Variants in MAGI2 observed in about 807,000 individuals in gnomAD.
The protein encoded by MAGI2 is membrane-associated guanylate kinase, WW and PDZ domain-containing protein 2.
Under a neutral mutation model 133.3 loss-of-function variants are expected in MAGI2, and 35 were observed. The ratio of observed to expected loss-of-function variants is 0.26; its 90% CI spans 0.20 to 0.35. The LOEUF is 0.35. MAGI2 is among the 10% of genes least tolerant of loss of function. The pLI is 1.00. For synonymous variants in MAGI2, 729 were observed against 710.6 expected (o/e 1.03, Z -0.41); for missense variants, 1,636 against 1,863.4 (o/e 0.88, Z 2.25).
At chr7:78,804,457 A>T (rs922125746) in intron 2 of MAGI2, among the ~76,000 whole-genome samples, 4 of 151,972 alleles carry the variant, frequency 2.6e-5, no homozygotes, top group Non-Finnish European at 4.4e-5. Flanking sequence ...TAAAAAAAAA[A>T]AAAACTTTGG....
chr7:79,108,033 T>G (rs1051734362), intron 1 of MAGI2, among the ~76,000 whole-genome samples: 1 of 152,214 alleles, frequency 6.6e-6, no homozygotes, highest in Non-Finnish European at 1.5e-5. Flanking sequence ...GTAAAATACC[T>G]GATATGACTA....
At chr7:78,430,607 C>T (rs574812596) in intron 6 of MAGI2, among the ~76,000 whole-genome samples, 1 of 151,926 alleles carries the variant, frequency 6.6e-6, no homozygotes, top group African/African-American at 2.4e-5. Flanking sequence ...TATCCAACAC[C>T]TTTTAAACAG....
intron 16 of MAGI2, among the ~76,000 whole-genome samples, chr7:78,155,995 A>C (rs577930643): frequency 1.3e-5 from 2 of 152,286 alleles, no homozygotes; most frequent in East Asian, 3.9e-4. Flanking sequence ...AGGGAGGGAA[A>C]GTTTACATTT....
At chr7:79,128,233 T>G (rs544032108) in intron 1 of MAGI2, among the ~76,000 whole-genome samples, 4 of 152,158 alleles carry the variant, frequency 2.6e-5, no homozygotes, top group Non-Finnish European at 4.4e-5. Flanking sequence ...TTATATGGTT[T>G]TCAGCATATT....
rs993279379 is a variant in MAGI2, at chr7:79,265,690, T to G, written c.301+187330A>C. Among the ~76,000 whole-genome samples, 7 of 152,270 alleles carry G rather than the reference T, an allele frequency of 4.6e-5. No individual in the cohort carries two copies. In the South Asian group the frequency reaches 1.2e-3, roughly 27 times the overall value. On this transcript the variant is annotated intron_variant, in intron 1 of 21. Transcript: ENST00000354212. ...CTACAAGTAAGTTTTGAGTTAGATT[T>G]TTTTAAAATTAAAGAAGTTCTCATG...
chr7:78,212,372 C>G (rs551513902), intron 10 of MAGI2, among the ~76,000 whole-genome samples: 1 of 152,166 alleles, frequency 6.6e-6, no homozygotes, highest in Admixed American at 6.5e-5. Context: ...ACCTACTACA[C>G]GAGTCCTTTC....
chr7:78,018,963 A>G lies in MAGI2; in HGVS notation c.*352T>C, dbSNP rs1180462808. The G allele has an allele frequency of 7.6e-6, 3 of 396,704 alleles. No individual in the cohort carries two copies. Among genetic ancestry groups the G allele is most frequent in the African/African-American group, 4.1e-5 (2 of 48,502 alleles). 24.6% of individuals were successfully genotyped at this position (396,704 alleles called of 1,614,324 possible). A position where few individuals can be genotyped will look rare whatever the true frequency, so the allele number is the denominator to read the frequency against. On this transcript the variant is annotated 3_prime_UTR_variant, in exon 22 of 22. Transcript: ENST00000354212. Reference sequence around the variant, plus strand: ...TAACTTTGTCCTGTTTCTTGATATAAAGTTTGGATGACATCCAAGTCCTTC... The same window carrying G: ...TAACTTTGTCCTGTTTCTTGATATAGAGTTTGGATGACATCCAAGTCCTTC...
At chr7:79,377,570 C>T (rs1843463172) in intron 1 of MAGI2, among the ~76,000 whole-genome samples, 1 of 151,684 alleles carries the variant, frequency 6.6e-6, no homozygotes, top group African/African-American at 2.4e-5. Context: ...GAAAAGAATG[C>T]CAAAACAGCA....
chr7:78,533,541 C>T (rs1034296511), intron 3 of MAGI2, among the ~76,000 whole-genome samples: 2 of 152,144 alleles, frequency 1.3e-5, no homozygotes, highest in Non-Finnish European at 2.9e-5. Context: ...TCTGTGATGA[C>T]CCAGTATCTG....
At chr7:78,842,007 G>A (rs115029518) in intron 2 of MAGI2, among the ~76,000 whole-genome samples, 344 of 151,926 alleles carry the variant, frequency 2.3e-3, no homozygotes, top group African/African-American at 8.0e-3. Flanking sequence ...ATGAGCATAC[G>A]GCATATCATA....
intron 2 of MAGI2, among the ~76,000 whole-genome samples, chr7:78,773,858 T>C (rs542430489): frequency 6.8e-4 from 103 of 152,342 alleles, no homozygotes; most frequent in African/African-American, 2.4e-3. Flanking sequence ...TAAAGTTCTT[T>C]GGCTAGACAA....
intron 1 of MAGI2, among the ~76,000 whole-genome samples, chr7:79,245,534 A>G (rs1394647068): frequency 6.6e-6 from 1 of 152,270 alleles, no homozygotes; most frequent in East Asian, 1.9e-4. Flanking sequence ...CCATGAGGGG[A>G]GACCCCTCTG....
At chr7:79,315,481 G>T (rs959960437) in intron 1 of MAGI2, among the ~76,000 whole-genome samples, 1 of 151,236 alleles carries the variant, frequency 6.6e-6, no homozygotes, top group Non-Finnish European at 1.5e-5. Flanking sequence ...AGCCTAATTC[G>T]TTTTTTTTAA....
chr7:79,162,220 T>C (rs2090334786), intron 1 of MAGI2, among the ~76,000 whole-genome samples: 1 of 152,074 alleles, frequency 6.6e-6, no homozygotes, highest in Admixed American at 6.6e-5. Context: ...TATTTTTACT[T>C]GGTGGCCTAA....
Position 78,887,437 on chromosome 7 carries a change from C to T in MAGI2, c.418+119653G>A, listed in dbSNP as rs151018635. On this transcript the variant is annotated intron_variant, in intron 2 of 21. Transcript: ENST00000354212. The stretch of plus-strand genomic sequence containing the variant: ...TCTGGGAGCAAGCCGCAGTAATCAG[C>T]GTTTTAACAAGTCCTCCTGATGAAT... 7.1e-4 allele frequency among the ~76,000 whole-genome samples: 108 copies of T among 152,326 alleles called. 1 individual carries two copies. The East Asian group carries it at 0.018, about 25-fold the overall frequency.
intron 2 of MAGI2, among the ~76,000 whole-genome samples, chr7:78,969,947 G>A (rs1400582782): frequency 3.3e-5 from 5 of 151,956 alleles, no homozygotes; most frequent in East Asian, 3.9e-4. Flanking sequence ...GGAGACTGAG[G>A]CATGGAGATA....
At chr7:79,357,471 AG>A (rs770157336) in intron 1 of MAGI2, among the ~76,000 whole-genome samples, 31 of 152,250 alleles carry the variant, frequency 2.0e-4, no homozygotes, top group Admixed American at 7.2e-4. Context: ...AGCAAACAAA[AG>A]TAAGTACCAT....
In MAGI2 at chr7:78,939,119, A is replaced by G. The variant is rs911690315; in HGVS notation, c.418+67971T>C. Among the ~76,000 whole-genome samples the G allele has an allele frequency of 2.6e-5, 4 of 152,026 alleles. No individual in the cohort carries two copies. The South Asian group carries it at 8.3e-4, about 32-fold the overall frequency. The stretch of plus-strand genomic sequence containing the variant: ...AGCAATTCTCCTGCCTTGGCCTCCC[A>G]AGTAGCTGGAACCACAGGCACCTGC... On this transcript the variant is annotated intron_variant, in intron 2 of 21. Coordinates refer to ENST00000354212, the MANE Select transcript of MAGI2 (RefSeq NM_012301.4).
intron 3 of MAGI2, among the ~76,000 whole-genome samples, chr7:78,546,673 C>T (rs868505802): frequency 1.9e-5 from 1 of 54,044 alleles, no homozygotes; most frequent in Middle Eastern, 7.1e-3. Flanking sequence ...GTCAAAGATC[C>T]TCATCTCTCT....
Sources: gnomAD v4.1 joint callset for allele counts (sites outside exome capture counted in the v4.1 genomes callset) on GRCh38, gnomAD v4.1.1 for gene constraint, MANE v1.5 for transcripts, NCBI Gene and HGNC (gene_info 2026-07-23, HGNC 2026-07-21) for gene names.